Variants in KCNIP4 observed in about 807,000 individuals in gnomAD.
KCNIP4 encodes the protein Kv channel-interacting protein 4.
KCNIP4 carries 12 observed loss-of-function variants against 34.0 expected under a neutral mutation model. The ratio of observed to expected loss-of-function variants is 0.35; its 90% CI spans 0.23 to 0.57. KCNIP4 has a LOEUF of 0.57. Ranked by LOEUF, KCNIP4 falls within the 20% of genes least tolerant of loss-of-function variation. The pLI, the probability that KCNIP4 is intolerant of heterozygous loss-of-function variation, is 0.83. For synonymous variants in KCNIP4, 124 were observed against 102.2 expected (o/e 1.21, Z -1.29); for missense variants, 238 against 311.7 (o/e 0.76, Z 1.78).
At position 20,862,978 on chromosome 4, in the gene KCNIP4, G is replaced by A. The variant is rs553926616; in HGVS notation, c.164-12311C>T. Among the ~76,000 whole-genome samples the A allele has an allele frequency of 4.6e-5, 7 of 152,196 alleles. No homozygotes were observed. In the South Asian group the frequency reaches 1.2e-3, roughly 27 times the overall value. ...CACTGGGGCCTAGTGGAATGTGGAG[G>A]GTGGGAGGAGGAAGAGGATTAGGAA... is the stretch of plus-strand genomic sequence containing the variant. On this transcript the variant is annotated intron_variant, in intron 2 of 8. Coordinates refer to ENST00000382152, the MANE Select transcript of KCNIP4 (RefSeq NM_025221.6).
At chr4:20,857,522 TC>T (rs1721731812) in intron 2 of KCNIP4, among the ~76,000 whole-genome samples, 1 of 145,434 alleles carries the variant, frequency 6.9e-6, no homozygotes, top group Non-Finnish European at 1.5e-5. Context: ...GTGAAGAAAT[TC>T]ACAACCAGAA....
intron 1 of KCNIP4, among the ~76,000 whole-genome samples, chr4:21,791,418 A>T (rs1720275428): frequency 6.6e-6 from 1 of 152,188 alleles, no homozygotes; most frequent in Non-Finnish European, 1.5e-5. Flanking sequence ...TTCATTCTAT[A>T]GCATTTGAGT....
chr4:21,539,292 T>C (rs1374436448), intron 1 of KCNIP4, among the ~76,000 whole-genome samples: 1 of 152,174 alleles, frequency 6.6e-6, no homozygotes, highest in Non-Finnish European at 1.5e-5. Context: ...CTCTGAAGTT[T>C]TCTAGTTCCA....
At chr4:21,862,761 C>T (rs955447051) in intron 1 of KCNIP4, among the ~76,000 whole-genome samples, 2 of 152,112 alleles carry the variant, frequency 1.3e-5, no homozygotes, top group African/African-American at 2.4e-5. Context: ...ATCACGAGGT[C>T]AGGAGATCGA....
chr4:21,245,351 A>G (rs1287016171), intron 1 of KCNIP4, among the ~76,000 whole-genome samples: 1 of 152,160 alleles, frequency 6.6e-6, no homozygotes, highest in Non-Finnish European at 1.5e-5. Flanking sequence ...CACTTAGAAG[A>G]ATTTTACTTG....
intron 1 of KCNIP4, among the ~76,000 whole-genome samples, chr4:21,241,867 A>G (rs192268198): frequency 6.6e-6 from 1 of 152,236 alleles, no homozygotes; most frequent in East Asian, 1.9e-4. Flanking sequence ...TGGGATTAAG[A>G]ATGTCTTCTT....
intron 1 of KCNIP4, among the ~76,000 whole-genome samples, chr4:21,556,922 GA>G (rs1253971751): frequency 4.4e-4 from 31 of 70,846 alleles, no homozygotes; most frequent in Admixed American, 5.7e-4. Context: ...CTCCATCTCA[GA>G]AAAAAAAAAA....
chr4:20,924,716 C>A (rs895447530), intron 1 of KCNIP4, among the ~76,000 whole-genome samples: 1 of 152,164 alleles, frequency 6.6e-6, no homozygotes, highest in East Asian at 1.9e-4. Flanking sequence ...GTCCCAGATC[C>A]ACAATTTATC....
At chr4:21,527,541 A>G (rs1237467568) in intron 1 of KCNIP4, among the ~76,000 whole-genome samples, 1 of 152,146 alleles carries the variant, frequency 6.6e-6, no homozygotes, top group Non-Finnish European at 1.5e-5. Context: ...ACTAAAACCT[A>G]TCTAAGGATT....
intron 1 of KCNIP4, among the ~76,000 whole-genome samples, chr4:21,192,599 T>C (rs1342584094): frequency 6.6e-6 from 1 of 152,182 alleles, no homozygotes; most frequent in African/African-American, 2.4e-5. Flanking sequence ...AGATTAGGCT[T>C]TATCCTCATA....
At chr4:21,027,755 A>G (rs1321800597) in intron 1 of KCNIP4, among the ~76,000 whole-genome samples, 3 of 151,978 alleles carry the variant, frequency 2.0e-5, no homozygotes, top group Non-Finnish European at 4.4e-5. Flanking sequence ...AAGGGAAAGG[A>G]CCGTTTGTCT....
chr4:21,703,726 C>A (rs1229553711), intron 1 of KCNIP4, among the ~76,000 whole-genome samples: 1 of 151,972 alleles, frequency 6.6e-6, no homozygotes, highest in African/African-American at 2.4e-5. Flanking sequence ...TACAAAAACT[C>A]TGATAAAAAA....
chr4:21,095,749 A>G (rs369678182), intron 1 of KCNIP4, among the ~76,000 whole-genome samples: 1 of 152,156 alleles, frequency 6.6e-6, no homozygotes, highest in Admixed American at 6.6e-5. Context: ...TCATTTTAAT[A>G]TATAAGTCTT....
intron 1 of KCNIP4, among the ~76,000 whole-genome samples, chr4:21,099,170 C>A (rs1375419982): frequency 6.6e-6 from 1 of 152,100 alleles, no homozygotes. Flanking sequence ...CATGCACACA[C>A]ATGTTAATTG....
chr4:21,925,595 A>G (rs1729198740), intron 1 of KCNIP4, among the ~76,000 whole-genome samples: 1 of 151,894 alleles, frequency 6.6e-6, no homozygotes. Flanking sequence ...TTCCCACTTC[A>G]TGAAATTCCT....
intron 1 of KCNIP4, among the ~76,000 whole-genome samples, chr4:21,132,854 A>C (rs1223067768): frequency 1.8e-4 from 3 of 16,974 alleles, no homozygotes; most frequent in African/African-American, 1.2e-3. Context: ...ACTAAACGAC[A>C]AAAAAAAAAA....
chr4:20,975,093 T>C (rs538717774), intron 1 of KCNIP4, among the ~76,000 whole-genome samples: 2 of 152,314 alleles, frequency 1.3e-5, no homozygotes, highest in South Asian at 4.1e-4. Flanking sequence ...TGGTTATATC[T>C]TCACCAAGAT....
chr4:21,446,681 T>TGCA (rs1238851474), intron 1 of KCNIP4, among the ~76,000 whole-genome samples: 1 of 151,022 alleles, frequency 6.6e-6, no homozygotes, highest in Non-Finnish European at 1.5e-5. Context: ...TGTTAATGGG[T>TGCA]GCAGCACACC....
At chr4:21,193,809 G>A (rs760533594) in intron 1 of KCNIP4, among the ~76,000 whole-genome samples, 18 of 152,056 alleles carry the variant, frequency 1.2e-4, no homozygotes, top group Non-Finnish European at 2.4e-4. Context: ...CTGACCTCGT[G>A]ATCCACCCAC....
Sources: allele counts gnomAD v4.1 joint callset (sites outside exome capture counted in the v4.1 genomes callset), GRCh38; gene constraint gnomAD v4.1.1; transcripts MANE v1.5; gene names NCBI Gene and HGNC (gene_info 2026-07-23, HGNC 2026-07-21).